AGBL4: variants seen among roughly 807,000 people sequenced by gnomAD.
AGBL4 encodes the protein AGBL carboxypeptidase 4, also known as cytosolic carboxypeptidase 6.
AGBL4 carries 58 observed loss-of-function variants against 66.4 expected under a neutral mutation model. The ratio of observed to expected loss-of-function variants is 0.87; its 90% confidence interval spans 0.71 to 1.09. The LOEUF (loss-of-function observed/expected upper bound fraction) is 1.09. AGBL4 is among the 50% of genes least tolerant of loss of function. The pLI is 0.00. For synonymous variants in AGBL4, 234 were observed against 222.9 expected (o/e 1.05, Z -0.44); for missense variants, 579 against 631.0 (o/e 0.92, Z 0.88).
chr1:49,255,982 G>T (rs972718150), intron 3 of AGBL4, among the ~76,000 whole-genome samples: 9 of 151,996 alleles, frequency 5.9e-5, no homozygotes, highest in Admixed American at 5.9e-4. Context: ...ACACAGAGGG[G>T]AACAACACAC....
At chr1:49,395,778 T>C (rs562465057) in intron 3 of AGBL4, among the ~76,000 whole-genome samples, 2 of 139,480 alleles carry the variant, frequency 1.4e-5, no homozygotes, top group Non-Finnish European at 3.0e-5. Flanking sequence ...TATATATACA[T>C]GTGTATATAT....
chr1:49,245,897 T>C, intron 3 of AGBL4, 33 bp from the exon 4 acceptor site: 4 of 1,462,680 alleles, frequency 2.7e-6, no homozygotes, highest in Non-Finnish European at 3.7e-6. Context: ...TTCATCTTTA[T>C]GCTATGCAAA....
chr1:49,769,258 G>A (rs1212643274), intron 2 of AGBL4, among the ~76,000 whole-genome samples: 2 of 151,538 alleles, frequency 1.3e-5, no homozygotes, highest in Non-Finnish European at 2.9e-5. Flanking sequence ...AAACACCTAG[G>A]AATACATTTA....
chr1:48,867,668 G>A (rs1648245264), intron 5 of AGBL4, among the ~76,000 whole-genome samples: 2 of 152,168 alleles, frequency 1.3e-5, no homozygotes, highest in South Asian at 4.1e-4. Flanking sequence ...TTGAGTGCCT[G>A]TTGTACTGCC....
intron 1 of AGBL4, among the ~76,000 whole-genome samples, chr1:49,948,290 A>T (rs1304214847): frequency 9.1e-6 from 1 of 109,944 alleles, no homozygotes; most frequent in Non-Finnish European, 1.6e-5. Context: ...ATATATAAAT[A>T]TATAAAAATA....
At position 48,817,945 on chromosome 1, in the gene AGBL4, G is replaced by A. The variant is rs1470405466; in HGVS notation, c.634+49246C>T. On this transcript the variant is annotated intron_variant, in intron 6 of 13. Coordinates refer to ENST00000371839, the MANE Select transcript of AGBL4 (RefSeq NM_032785.4). ...AGGCTGTGTAGTCAGTAGGCAAAAAGCTAATACGTTCCTGTTTGTCCAGAG... is the reference window on the plus strand; with the variant it reads ...AGGCTGTGTAGTCAGTAGGCAAAAAACTAATACGTTCCTGTTTGTCCAGAG... The A allele has an allele frequency of 4.6e-6, 3 of 652,262 alleles. No homozygotes were observed. In the East Asian group the frequency reaches 8.1e-5, roughly 18 times the overall value. The allele number at this position is 652,262 out of a possible 1,614,324, so 40.4% of individuals were successfully genotyped here.
intron 3 of AGBL4, among the ~76,000 whole-genome samples, chr1:49,637,572 G>C (rs1010785003): frequency 5.9e-5 from 9 of 152,162 alleles, no homozygotes; most frequent in African/African-American, 2.2e-4. Flanking sequence ...CAAAGTGATA[G>C]GATTACAGGC....
intron 2 of AGBL4, among the ~76,000 whole-genome samples, chr1:49,776,907 C>T (rs1041004579): frequency 6.6e-6 from 1 of 152,068 alleles, no homozygotes; most frequent in Non-Finnish European, 1.5e-5. Context: ...ACACTTAACA[C>T]TGTATTTGGC....
At chr1:48,690,930 C>G (rs1013494556) in intron 6 of AGBL4, among the ~76,000 whole-genome samples, 1 of 151,958 alleles carries the variant, frequency 6.6e-6, no homozygotes, top group Non-Finnish European at 1.5e-5. Flanking sequence ...TTTGGGAAGC[C>G]GAGACGGGTG....
chr1:48,589,970 G>A (rs181786682), intron 10 of AGBL4, among the ~76,000 whole-genome samples: 3 of 152,302 alleles, frequency 2.0e-5, no homozygotes, highest in Admixed American at 6.5e-5. Context: ...AAAGAAGGCC[G>A]GGAACAGTAG....
At chr1:48,918,230 G>A (rs2148889018) in intron 5 of AGBL4, among the ~76,000 whole-genome samples, 1 of 152,320 alleles carries the variant, frequency 6.6e-6, no homozygotes, top group South Asian at 2.1e-4. Flanking sequence ...CAGCTCCTAG[G>A]GAGATCCAGT....
At chr1:48,551,594 G>C (rs972122102) in intron 11 of AGBL4, among the ~76,000 whole-genome samples, 2 of 152,086 alleles carry the variant, frequency 1.3e-5, no homozygotes, top group African/African-American at 2.4e-5. Context: ...ATGAGAGAGA[G>C]AGAAAGAAAA....
intron 6 of AGBL4, among the ~76,000 whole-genome samples, chr1:48,691,948 G>C (rs1646639915): frequency 6.6e-6 from 1 of 152,180 alleles, no homozygotes; most frequent in South Asian, 2.1e-4. Flanking sequence ...CTTGTGGCCT[G>C]ATCCTCCCGA....
chr1:49,703,613 C>A (rs1647142233), intron 2 of AGBL4, among the ~76,000 whole-genome samples: 1 of 151,290 alleles, frequency 6.6e-6, no homozygotes, highest in Admixed American at 6.6e-5. Context: ...AAAAATGTAG[C>A]ACTAATATCA....
intron 3 of AGBL4, among the ~76,000 whole-genome samples, chr1:49,573,739 T>C (rs1270737092): frequency 6.6e-6 from 1 of 152,146 alleles, no homozygotes; most frequent in Admixed American, 6.5e-5. Flanking sequence ...AAAAGGTGCA[T>C]GCACAGCCTC....
chr1:49,107,296 G>T (rs1477064388), intron 4 of AGBL4, among the ~76,000 whole-genome samples: 1 of 152,112 alleles, frequency 6.6e-6, no homozygotes, highest in African/African-American at 2.4e-5. Context: ...TTGCCCAACT[G>T]TAGGCACATT....
intron 2 of AGBL4, among the ~76,000 whole-genome samples, chr1:49,782,506 C>G (rs1447132057): frequency 1.3e-5 from 2 of 152,124 alleles, no homozygotes; most frequent in African/African-American, 4.8e-5. Context: ...AAATCCGAAT[C>G]CTCCATGTGA....
At chr1:49,409,981 A>G (rs1645283761) in intron 3 of AGBL4, among the ~76,000 whole-genome samples, 2 of 152,184 alleles carry the variant, frequency 1.3e-5, no homozygotes, top group South Asian at 4.1e-4. Flanking sequence ...TTTCTTCTTG[A>G]AACTAGGTAA....
At chr1:49,227,858 T>C (rs956533325) in intron 4 of AGBL4, among the ~76,000 whole-genome samples, 1 of 152,196 alleles carries the variant, frequency 6.6e-6, no homozygotes, top group African/African-American at 2.4e-5. Flanking sequence ...ACCTTTATTA[T>C]GCTGGTGACA....
Sources: gnomAD v4.1 joint callset for allele counts (sites outside exome capture counted in the v4.1 genomes callset) on GRCh38, gnomAD v4.1.1 for gene constraint, MANE v1.5 for transcripts, NCBI Gene and HGNC (gene_info 2026-07-23, HGNC 2026-07-21) for gene names.